Variants in MANSC4 observed in about 807,000 individuals in gnomAD.
MANSC4 encodes the protein MANSC domain-containing protein 4.
MANSC4 carries 11 observed loss-of-function variants against 11.4 expected under a neutral mutation model. The ratio of observed to expected loss-of-function variants is 0.97; its 90% CI spans 0.61 to 1.60. MANSC4 has a LOEUF of 1.60. Among genes scored for constraint, MANSC4 ranks in the 40% most tolerant of loss-of-function variants. MANSC4 has a pLI of 0.00. For missense variants in MANSC4, 354 were observed against 404.6 expected (o/e 0.88, Z 1.07); for synonymous variants, 123 against 147.1 (o/e 0.84, Z 1.19).
At chr12:27,763,541 A>C in intron 3 of MANSC4, 145 bp from the exon 4 acceptor site, 1 of 695,164 alleles carries the variant, frequency 1.4e-6, no homozygotes, top group Non-Finnish European at 2.4e-6. Context: ...ATACTTCTCA[A>C]AGGCTTCCAA....
intron 3 of MANSC4, among the ~76,000 whole-genome samples, chr12:27,765,445 TTA>T (rs2062068231): frequency 6.6e-6 from 1 of 152,224 alleles, no homozygotes; most frequent in Non-Finnish European, 1.5e-5. Context: ...TGTCCCTACC[TTA>T]TCTTAGCCAT....
At position 27,780,234 on chromosome 12, in the gene MANSC4, T is replaced by A. The variant is rs2062138925; in HGVS notation, c.-331A>T. 8.3e-7 allele frequency: 1 copy of A among 1,198,354 alleles called. No individual in the cohort carries two copies. The highest frequency in any genetic ancestry group is 1.6e-5 in the African/African-American group (1 of 61,750). The allele number at this position is 1,198,354 out of a possible 1,614,324, so 74.2% of individuals were successfully genotyped here. A position where few individuals can be genotyped will look rare whatever the true frequency, so the allele number is the denominator to read the frequency against. On this transcript the variant is annotated 5_prime_UTR_variant, in exon 1 of 4. It removes an upstream start codon present in the reference 5' UTR. Transcript: ENST00000381273. This position sits in a 1 kb window ranked among gnomAD's most constrained non-coding sequence, Gnocchi z 8.8. Reference sequence around the variant, plus strand: ...CCTCGCCGCTCCTCCCGGGCCGCCATCCCTCGGCGCCCCGCCCGGAACCGG... The same window carrying A: ...CCTCGCCGCTCCTCCCGGGCCGCCAACCCTCGGCGCCCCGCCCGGAACCGG...
intron 1 of MANSC4, among the ~76,000 whole-genome samples, chr12:27,773,140 C>G (rs575886734): frequency 1.3e-5 from 2 of 152,054 alleles, no homozygotes; most frequent in African/African-American, 4.8e-5. Context: ...CCTAGGAGTT[C>G]GAGACCAGCC....
chr12:27,772,384 A>G (rs2062104398), intron 1 of MANSC4, among the ~76,000 whole-genome samples: 1 of 152,344 alleles, frequency 6.6e-6, no homozygotes, highest in East Asian at 1.9e-4. Context: ...ACCTTTTTAT[A>G]CAATGACTCA....
chr12:27,771,312 G>T lies in MANSC4; in HGVS notation c.-36C>A, dbSNP rs2062100055. 6.6e-7 allele frequency: 1 copy of T among 1,524,358 alleles called. No homozygotes were observed. The highest frequency in any genetic ancestry group is 1.2e-5 in the South Asian group (1 of 81,844). 94.4% of individuals were successfully genotyped at this position (1,524,358 alleles called of 1,614,324 possible). On this transcript the variant is annotated 5_prime_UTR_variant, in exon 2 of 4. Transcript: ENST00000381273. ...TGAAGGAAGACTCGAAGATAAGTCT[G>T]ATTTCCAGACAGAAGCTGAACACTG... is the stretch of plus-strand genomic sequence containing the variant.
rs2062100305 is a variant in MANSC4 at position 27,771,358 on chromosome 12, A to C, written c.-82T>G. 22 of 1,270,836 alleles carry C rather than the reference A, an allele frequency of 1.7e-5. No individual in the cohort carries two copies. The South Asian group carries it at 3.1e-4, about 18-fold the overall frequency. The allele number at this position is 1,270,836 out of a possible 1,614,324, so 78.7% of individuals were successfully genotyped here. A position where few individuals can be genotyped will look rare whatever the true frequency, so the allele number is the denominator to read the frequency against. On this transcript the variant is annotated 5_prime_UTR_variant, in exon 2 of 4. Coordinates refer to ENST00000381273, the MANE Select transcript of MANSC4 (RefSeq NM_001146221.5). ...CACTGGAGTTTAGGACAGTCTCTGG[A>C]ACGTCAGAGGTGTTGTTAAGGGAGA...
chr12:27,779,765 A>C (rs906895699), intron 1 of MANSC4: 1 of 152,298 alleles, frequency 6.6e-6, no homozygotes. Flanking sequence ...TGGGAGAGAA[A>C]ACGAATTTCT....
At chr12:27,771,939 G>A (rs2062102622) in intron 1 of MANSC4, among the ~76,000 whole-genome samples, 1 of 152,022 alleles carries the variant, frequency 6.6e-6, no homozygotes, top group Non-Finnish European at 1.5e-5. Flanking sequence ...AACACTTTGG[G>A]AGGCTGAGGT....
chr12:27,762,953 G>A lies in MANSC4; in HGVS notation c.808C>T (p.His270Tyr), dbSNP rs1011291397. 14 of 1,551,682 alleles carry A rather than the reference G, an allele frequency of 9.0e-6. No homozygotes were observed. The highest frequency in any genetic ancestry group is 1.7e-4 in the Middle Eastern group (1 of 6,016). Residue 270 changes from histidine to tyrosine, a missense_variant, in exon 4 of 4, where the codon CAC becomes TAC. By Grantham distance (83) the His-to-Tyr change is moderately conservative. Transcript: ENST00000381273. ...NKTKGYNSRN[H>Y]TSANEDEVSV... ...ACCTCATCTTCATTTGCAGATGTGT[G>A]GTTTCTGCTATTGTATCCTTTGGTT...
chr12:27,768,417 A>AGAAAAG (rs1176366557), intron 2 of MANSC4, among the ~76,000 whole-genome samples: 14 of 95,536 alleles, frequency 1.5e-4, no homozygotes, highest in Non-Finnish European at 5.2e-5. Flanking sequence ...AAAAAAAAAA[A>AGAAAAG]AAAAAGAAAA....
chr12:27,763,978 C>T (rs774841550), intron 3 of MANSC4, among the ~76,000 whole-genome samples: 3 of 152,152 alleles, frequency 2.0e-5, no homozygotes, highest in Admixed American at 6.5e-5. Flanking sequence ...AGCGATCCGC[C>T]CGCCTCGGCC....
At chr12:27,765,189 G>A (rs1463230380) in intron 3 of MANSC4, among the ~76,000 whole-genome samples, 1 of 152,162 alleles carries the variant, frequency 6.6e-6, no homozygotes, top group Non-Finnish European at 1.5e-5. Context: ...TTAAAAAGGT[G>A]ATGAAGTCCT....
intron 3 of MANSC4, among the ~76,000 whole-genome samples, chr12:27,765,031 C>G (rs1181633066): frequency 6.6e-6 from 1 of 151,702 alleles, no homozygotes; most frequent in African/African-American, 2.4e-5. Context: ...AGATGGGGGT[C>G]TCTCTGTGTT....
intron 2 of MANSC4, 128 bp downstream of exon 2, chr12:27,770,920 C>G (rs961768787): frequency 1.5e-5 from 10 of 674,284 alleles, no homozygotes; most frequent in Non-Finnish European, 2.5e-5. Flanking sequence ...CCTCTCTCTC[C>G]CACACCCTAG....
chr12:27,772,924 T>C (rs569477263), intron 1 of MANSC4, among the ~76,000 whole-genome samples: 1 of 152,370 alleles, frequency 6.6e-6, no homozygotes, highest in South Asian at 2.1e-4. Flanking sequence ...TAGGTTCTTT[T>C]GTGTGCTATA....
intron 1 of MANSC4, among the ~76,000 whole-genome samples, chr12:27,778,766 C>A (rs1020999262): frequency 6.6e-6 from 1 of 152,226 alleles, no homozygotes; most frequent in East Asian, 1.9e-4. Flanking sequence ...TCTCCCCCCA[C>A]CCCCTTCCTG....
chr12:27,775,067 A>G (rs1425910970), intron 1 of MANSC4, among the ~76,000 whole-genome samples: 1 of 142,838 alleles, frequency 7.0e-6, no homozygotes, highest in Admixed American at 6.9e-5. Flanking sequence ...AAATAAATAA[A>G]TAAGATTACT....
rs2062100687 is a variant in MANSC4 at position 27,771,464 on chromosome 12, G to A, written c.-188C>T. ...GCACATTGATTTTTCTTTTCTTCCC[G>A]AGCTCCAGGTGAACATTTGATTTGC... On this transcript the variant is annotated 5_prime_UTR_variant, in exon 2 of 4. Coordinates refer to ENST00000381273, the MANE Select transcript of MANSC4 (RefSeq NM_001146221.5). Among the ~76,000 whole-genome samples the A allele has an allele frequency of 6.6e-6, 1 of 152,094 alleles. No homozygotes were observed. The highest frequency in any genetic ancestry group is 1.5e-5 in the Non-Finnish European group (1 of 68,008).
At chr12:27,775,663 A>C (rs2062117026) in intron 1 of MANSC4, among the ~76,000 whole-genome samples, 1 of 152,068 alleles carries the variant, frequency 6.6e-6, no homozygotes, top group South Asian at 2.1e-4. Flanking sequence ...TGGCCTCCCA[A>C]AGTGCTGGGA....
Sources: allele counts gnomAD v4.1 joint callset (sites outside exome capture counted in the v4.1 genomes callset), GRCh38; gene constraint gnomAD v4.1.1; non-coding constraint Gnocchi (gnomAD v3.1); transcripts MANE v1.5; gene names NCBI Gene and HGNC (gene_info 2026-07-23, HGNC 2026-07-21).